NCAM2: variants seen among roughly 807,000 people sequenced by gnomAD.
The protein encoded by NCAM2 is N-CAM-2.
In NCAM2, 30 loss-of-function variants were observed where a neutral mutation model predicts 98.1. The ratio of observed to expected loss-of-function variants is 0.31; its 90% CI spans 0.23 to 0.41. NCAM2 has a LOEUF of 0.41. Among genes scored for constraint, NCAM2 ranks in the 10% least tolerant of loss-of-function variants. The pLI is 1.00. For synonymous variants in NCAM2, 368 were observed against 342.4 expected (o/e 1.07, Z -0.83); for missense variants, 867 against 1,005.8 (o/e 0.86, Z 1.87).
chr21:21,190,839 A>C (rs565298045), intron 1 of NCAM2, among the ~76,000 whole-genome samples: 1 of 152,320 alleles, frequency 6.6e-6, no homozygotes, highest in South Asian at 2.1e-4. Flanking sequence ...TGAGGAATAA[A>C]TGAGTTGCAG....
At chr21:20,998,692 C>A in intron 1 of NCAM2, 74 bp downstream of exon 1, 1 of 1,372,182 alleles carries the variant, frequency 7.3e-7, no homozygotes, top group Non-Finnish European at 1.0e-6. Context: ...AAGAGGGAGG[C>A]GCAGGAAGAA....
At chr21:21,345,780 A>T (rs1450393774) in intron 8 of NCAM2, among the ~76,000 whole-genome samples, 3 of 152,082 alleles carry the variant, frequency 2.0e-5, no homozygotes, top group Non-Finnish European at 2.9e-5. Context: ...AACACAAAAG[A>T]TTTCCCTAAA....
At position 21,246,660 on chromosome 21, in the gene NCAM2, G is replaced by A. The variant is rs574818588; in HGVS notation, c.56-33918G>A. Among the ~76,000 whole-genome samples, 10 of 152,162 alleles carry A rather than the reference G, an allele frequency of 6.6e-5. No individual in the cohort carries two copies. In the South Asian group the frequency reaches 1.7e-3, roughly 25 times the overall value. On this transcript the variant is annotated intron_variant, in intron 1 of 17. Transcript: ENST00000400546. ...TATTTCATCTTTATTGCAGTTTCTA[G>A]ATATTCTTAATAATCACATTGATTG...
rs115518994 is a variant in NCAM2 at position 21,189,986 on chromosome 21, T to C, written c.56-90592T>C. On this transcript the variant is annotated intron_variant, in intron 1 of 17. Transcript: ENST00000400546. ...GGCAAGGTGGTTCTATTTGTATTTG[T>C]AATGGAACAAAGGAGAGCAGCTGCT... Among the ~76,000 whole-genome samples, 1,271 of 152,312 alleles carry C rather than the reference T, an allele frequency of 8.3e-3. 26 individuals are homozygous for C. The highest frequency in any genetic ancestry group is 0.029 in the African/African-American group (1,201 of 41,574).
At chr21:21,123,091 CAT>C (rs1199042628) in intron 1 of NCAM2, among the ~76,000 whole-genome samples, 2 of 152,032 alleles carry the variant, frequency 1.3e-5, no homozygotes, top group Non-Finnish European at 2.9e-5. Flanking sequence ...TTAGTGAGAA[CAT>C]ATGATTTGAA....
chr21:21,434,922 C>T (rs1423753049), intron 12 of NCAM2, among the ~76,000 whole-genome samples: 2 of 152,124 alleles, frequency 1.3e-5, no homozygotes, highest in African/African-American at 2.4e-5. Context: ...ATTGGGCTGT[C>T]GCTGTCACCT....
chr21:21,467,033 A>G (rs972490034), intron 13 of NCAM2, among the ~76,000 whole-genome samples: 2 of 152,040 alleles, frequency 1.3e-5, no homozygotes, highest in African/African-American at 2.4e-5. Context: ...TCTTCAGACT[A>G]TATTCTGGGA....
At chr21:21,242,477 A>T (rs1262618979) in intron 1 of NCAM2, among the ~76,000 whole-genome samples, 2 of 152,138 alleles carry the variant, frequency 1.3e-5, no homozygotes, top group African/African-American at 2.4e-5. Context: ...TTTTAGCAAC[A>T]TCTCCTCGTT....
chr21:21,256,216 C>T (rs765277418), intron 1 of NCAM2, among the ~76,000 whole-genome samples: 26 of 151,878 alleles, frequency 1.7e-4, no homozygotes, highest in East Asian at 5.8e-4. Context: ...ATTAGCTGGG[C>T]GTGGTGGTGG....
At chr21:21,158,857 GTTATT>G (rs1369022460) in intron 1 of NCAM2, among the ~76,000 whole-genome samples, 1 of 152,072 alleles carries the variant, frequency 6.6e-6, no homozygotes, top group Non-Finnish European at 1.5e-5. Flanking sequence ...GCTTTTTACA[GTTATT>G]TTAGAGTGTA....
Position 21,264,972 on chromosome 21 carries a change from C to T in NCAM2, c.56-15606C>T, listed in dbSNP as rs1277441146. Among the ~76,000 whole-genome samples the T allele has an allele frequency of 4.7e-4, 39 of 82,522 alleles. 1 individual carries two copies. In the South Asian group the frequency reaches 0.01, roughly 22 times the overall value. 54.1% of individuals were successfully genotyped at this position (82,522 alleles called of 152,430 possible). A position where few individuals can be genotyped will look rare whatever the true frequency, so the allele number is the denominator to read the frequency against. On this transcript the variant is annotated intron_variant, in intron 1 of 17. Coordinates refer to ENST00000400546, the MANE Select transcript of NCAM2 (RefSeq NM_004540.5). ...ATATATGTGTATGTGTATATATACACATATATATTATATATGTGTATGTGT... is the reference window on the plus strand; with the variant it reads ...ATATATGTGTATGTGTATATATACATATATATATTATATATGTGTATGTGT...
chr21:21,333,940 G>T (rs570763973), intron 6 of NCAM2, among the ~76,000 whole-genome samples: 11 of 151,946 alleles, frequency 7.2e-5, no homozygotes, highest in Non-Finnish European at 1.3e-4. Context: ...ATATATAAAA[G>T]ATACTATATA....
At chr21:21,486,154 A>T (rs1056723760) in intron 15 of NCAM2, among the ~76,000 whole-genome samples, 3 of 151,970 alleles carry the variant, frequency 2.0e-5, no homozygotes, top group East Asian at 3.9e-4. Context: ...AATGCAAAAA[A>T]TTAGCCGGGC....
Position 21,083,637 on chromosome 21 carries a change from A to G in NCAM2, c.55+85019A>G, listed in dbSNP as rs559521492. ...ACTATGTTGCCCAGGCTGGTCTTGAACTTCTGGCTTCAAACAATTTGCCCA... is the reference window on the plus strand; with the variant it reads ...ACTATGTTGCCCAGGCTGGTCTTGAGCTTCTGGCTTCAAACAATTTGCCCA... On this transcript the variant is annotated intron_variant, in intron 1 of 17. Transcript: ENST00000400546. Among the ~76,000 whole-genome samples, 72 of 152,062 alleles carry G rather than the reference A, an allele frequency of 4.7e-4. 1 individual carries two copies. In the South Asian group the frequency reaches 0.014, roughly 30 times the overall value.
intron 1 of NCAM2, among the ~76,000 whole-genome samples, chr21:21,033,091 C>T (rs577099809): frequency 3.2e-4 from 48 of 152,114 alleles, no homozygotes; most frequent in African/African-American, 1.1e-3. Context: ...GCTGGGATTA[C>T]AGGCACCCAC....
chr21:21,248,433 T>C (rs893412036), intron 1 of NCAM2, among the ~76,000 whole-genome samples: 2 of 152,010 alleles, frequency 1.3e-5, no homozygotes, highest in African/African-American at 4.8e-5. Context: ...TTAAAAAAAA[T>C]TCCTTGAAAC....
chr21:21,019,634 T>A (rs9982963), intron 1 of NCAM2, among the ~76,000 whole-genome samples: 92,820 of 151,882 alleles, frequency 0.61, 28,636 homozygotes, highest in East Asian at 0.82. Flanking sequence ...TTTATAATTA[T>A]TTTTTTTATT....
chr21:21,242,659 G>C (rs8129983), intron 1 of NCAM2, among the ~76,000 whole-genome samples: 14,887 of 152,054 alleles, frequency 0.098, 1,509 homozygotes, highest in East Asian at 0.51. Flanking sequence ...GGAAATAACA[G>C]AATTTCCTTC....
At chr21:21,406,464 TG>T (rs1259045596) in intron 9 of NCAM2, among the ~76,000 whole-genome samples, 3 of 152,180 alleles carry the variant, frequency 2.0e-5, no homozygotes. Flanking sequence ...TCTTTGCTAC[TG>T]GCAAGCCAGG....
Sources: allele counts gnomAD v4.1 joint callset (sites outside exome capture counted in the v4.1 genomes callset), GRCh38; gene constraint gnomAD v4.1.1; transcripts MANE v1.5; gene names NCBI Gene and HGNC (gene_info 2026-07-23, HGNC 2026-07-21).